HLTF: variants seen among roughly 807,000 people sequenced by gnomAD.
HLTF encodes the protein helicase like transcription factor, also known as DNA-dependent ATPase/E3 ubiquitin-protein ligase HLTF.
In HLTF, 127 loss-of-function variants were observed where a neutral mutation model predicts 129.4. The ratio of observed to expected loss-of-function variants is 0.98; its 90% CI spans 0.85 to 1.14. HLTF has a LOEUF of 1.14. Among genes scored for constraint, HLTF ranks in the 50% most tolerant of loss-of-function variants. The pLI is 0.00. For missense variants in HLTF, 1,139 were observed against 1,187.1 expected (o/e 0.96, Z 0.60); for synonymous variants, 332 against 388.8 (o/e 0.85, Z 1.72).
chr3:149,049,378 T>C (rs758931644), intron 15 of HLTF, among the ~76,000 whole-genome samples: 2 of 152,216 alleles, frequency 1.3e-5, no homozygotes, highest in Non-Finnish European at 2.9e-5. Flanking sequence ...TTGTAAGAAT[T>C]ACTTGAATTC....
At chr3:149,050,449 C>G in intron 14 of HLTF, 74 bp from the exon 15 acceptor site, 1 of 992,986 alleles carries the variant, frequency 1.0e-6, no homozygotes, top group Non-Finnish European at 1.5e-6. Flanking sequence ...AAAAAAGTAA[C>G]TGCCCTGGCA....
intron 12 of HLTF, 120 bp from the exon 13 acceptor site, chr3:149,059,927 T>A: frequency 1.6e-6 from 1 of 639,744 alleles, no homozygotes; most frequent in East Asian, 3.2e-5. Flanking sequence ...AGAGCTTATA[T>A]TATTAAGTTA....
Position 149,064,817 on chromosome 3 carries a change from C to T in HLTF, c.1040G>A (p.Ser347Asn). The change falls in exon 9 of 25, where the codon AGT becomes AAT. Residue 347 changes from serine to asparagine, a missense_variant. Transcript: ENST00000310053. ...TTTGCTTAGTCCATCTGCCTTTTCA[C>T]TGGTATTGTTTCCTCCAAGTTTCAT... ...DSMKLGGNNTSEKADGLSKDA... is the reference protein window; with the variant it reads ...DSMKLGGNNTNEKADGLSKDA... 2 of 1,598,870 alleles carry T rather than the reference C, an allele frequency of 1.3e-6. No individual in the cohort carries two copies. The highest frequency in any genetic ancestry group is 1.7e-6 in the Non-Finnish European group (2 of 1,166,660).
intron 18 of HLTF, among the ~76,000 whole-genome samples, chr3:149,043,989 C>G (rs551935479): frequency 1.3e-5 from 2 of 152,226 alleles, no homozygotes; most frequent in East Asian, 3.9e-4. Flanking sequence ...ACAAACATTT[C>G]TGAATATTCA....
At chr3:149,056,590 C>T (rs562976746) in intron 13 of HLTF, among the ~76,000 whole-genome samples, 1 of 152,230 alleles carries the variant, frequency 6.6e-6, no homozygotes, top group African/African-American at 2.4e-5. Context: ...CCAAGACCCT[C>T]AATAGATACT....
In HLTF at chr3:149,040,162, T is replaced by C. The variant is rs369557633; in HGVS notation, c.2377-6A>G. On this transcript the variant is annotated splice_polypyrimidine_tract_variant and splice_region_variant and intron_variant, in intron 20 of 24. Transcript: ENST00000310053. The stretch of plus-strand genomic sequence containing the variant: ...AAAGGGCATTTAGCATGTGGCTATA[T>C]AAGAAAGAACGAAGTATGAGCAACA... 2 of 1,603,452 alleles carry C rather than the reference T, an allele frequency of 1.2e-6. No individual in the cohort carries two copies. The highest frequency in any genetic ancestry group is 2.7e-5 in the African/African-American group (2 of 74,680).
At chr3:149,074,967 A>C (rs543689576) in intron 3 of HLTF, among the ~76,000 whole-genome samples, 1 of 152,332 alleles carries the variant, frequency 6.6e-6, no homozygotes, top group Non-Finnish European at 1.5e-5. Context: ...AAAAAGAAAA[A>C]AGAAACAGGT....
rs370376213 is a variant in HLTF at position 149,068,221 on chromosome 3, G to A, written c.990+19C>T. On this transcript the variant is annotated intron_variant, in intron 8 of 24. Transcript: ENST00000310053. ...ATAAACTGGAGGTTTCACATAAAGC[G>A]CACTTACTACTACTTTACCTTCTTC... is the stretch of plus-strand genomic sequence containing the variant. The A allele has an allele frequency of 3.2e-5, 33 of 1,019,516 alleles. No homozygotes were observed. The highest frequency in any genetic ancestry group is 1.8e-4 in the African/African-American group (11 of 60,688). The allele number at this position is 1,019,516 out of a possible 1,614,324, so 63.2% of individuals were successfully genotyped here.
chr3:149,082,939 G>A, intron 2 of HLTF, among the ~76,000 whole-genome samples: 1 of 152,134 alleles, frequency 6.6e-6, no homozygotes. Context: ...AAGATTTAAT[G>A]CCTTTTTAGC....
chr3:149,080,208 G>A (rs781398596), intron 2 of HLTF, among the ~76,000 whole-genome samples: 14 of 152,094 alleles, frequency 9.2e-5, no homozygotes, highest in Admixed American at 9.2e-4. Context: ...TAATGGGAGT[G>A]ACTACAAATG....
rs534026507 is a variant in HLTF, at chr3:149,050,079, C to A, written c.1617+153G>T. Among the ~76,000 whole-genome samples, 405 of 126,686 alleles carry A rather than the reference C, an allele frequency of 3.2e-3. 1 individual carries two copies. The highest frequency in any genetic ancestry group is 4.9e-3 in the Non-Finnish European group (288 of 58,248). 83.1% of individuals were successfully genotyped at this position (126,686 alleles called of 152,430 possible). A position where few individuals can be genotyped will look rare whatever the true frequency, so the allele number is the denominator to read the frequency against. ...AATGCAACCCTTTCACGCAAAAAGT[C>A]AAAAAAAAAAACCATTTATTTTTCT... On this transcript the variant is annotated intron_variant, in intron 15 of 24. Transcript: ENST00000310053.
chr3:149,060,174 A>G (rs1323638748), intron 12 of HLTF, among the ~76,000 whole-genome samples: 1 of 152,188 alleles, frequency 6.6e-6, no homozygotes, highest in Non-Finnish European at 1.5e-5. Context: ...GTTATTTTCC[A>G]AATGCAATAC....
At position 149,068,230 on chromosome 3, in the gene HLTF, A is replaced by C; in HGVS notation, c.990+10T>G. 1 of 1,239,378 alleles carries C rather than the reference A, an allele frequency of 8.1e-7. No individual in the cohort carries two copies. The allele number at this position is 1,239,378 out of a possible 1,614,324, so 76.8% of individuals were successfully genotyped here. On this transcript the variant is annotated intron_variant, in intron 8 of 24. Coordinates refer to ENST00000310053, the MANE Select transcript of HLTF (RefSeq NM_003071.4). ...AGGTTTCACATAAAGCGCACTTACT[A>C]CTACTTTACCTTCTTCAGTAGATTC...
Position 149,086,421 on chromosome 3 carries a change from G to C in HLTF, c.-85C>G. 2 of 1,473,240 alleles carry C rather than the reference G, an allele frequency of 1.4e-6. No homozygotes were observed. The highest frequency in any genetic ancestry group is 4.9e-5 in the East Asian group (2 of 40,616). The allele number at this position is 1,473,240 out of a possible 1,614,324, so 91.3% of individuals were successfully genotyped here. On this transcript the variant is annotated 5_prime_UTR_variant, in exon 1 of 25. Transcript: ENST00000310053. ...CTCGATACGCCTCCTTCCAGGCCCC[G>C]CAGCCCTGAAGCCGGGGACAAATTC...
At chr3:149,046,374 T>C (rs1716552556) in intron 17 of HLTF, 115 bp from the exon 18 acceptor site, 3 of 576,030 alleles carry the variant, frequency 5.2e-6, no homozygotes, top group Non-Finnish European at 8.5e-6. Flanking sequence ...TGTAAAAGTG[T>C]TTTTAAAATC....
intron 23 of HLTF, among the ~76,000 whole-genome samples, chr3:149,038,506 CT>C (rs1413048429): frequency 6.6e-6 from 1 of 151,388 alleles, no homozygotes; most frequent in Non-Finnish European, 1.5e-5. Context: ...CATTTTTTTT[CT>C]TTTTTTTCTT....
In HLTF at chr3:149,041,615, T is replaced by G; in HGVS notation, c.2251A>C (p.Ile751Leu). The part of the protein sequence containing the change: ...RKKLIRKMKL[I>L]LSSGSDEECA... ...TCCTCATCTGAACCTGAGCTCAGAA[T>G]TAACTTCATCTTCCTTATTAACTTC... is the stretch of plus-strand genomic sequence containing the variant. The change falls in exon 20 of 25, where the codon ATT becomes CTT. Residue 751 changes from isoleucine to leucine, a missense_variant. Ile to Leu is a conservative substitution (Grantham distance 5, BLOSUM62 2). Transcript: ENST00000310053. 2 of 1,612,320 alleles carry G rather than the reference T, an allele frequency of 1.2e-6. No individual in the cohort carries two copies. Among genetic ancestry groups the G allele is most frequent in the Non-Finnish European group, 1.7e-6 (2 of 1,178,572 alleles).
intron 2 of HLTF, among the ~76,000 whole-genome samples, chr3:149,077,264 A>T (rs566811705): frequency 0.02 from 3,054 of 149,828 alleles, 77 homozygotes; most frequent in Admixed American, 0.076. Context: ...ATAAATAAAT[A>T]AATAAATAAA....
At chr3:149,056,601 TA>T (rs1717457470) in intron 13 of HLTF, among the ~76,000 whole-genome samples, 1 of 152,196 alleles carries the variant, frequency 6.6e-6, no homozygotes, top group Non-Finnish European at 1.5e-5. Context: ...AATAGATACT[TA>T]AAACCATAAA....
Sources: allele counts gnomAD v4.1 joint callset (sites outside exome capture counted in the v4.1 genomes callset), GRCh38; gene constraint gnomAD v4.1.1; transcripts MANE v1.5; gene names NCBI Gene and HGNC (gene_info 2026-07-23, HGNC 2026-07-21).